MIGA1: variants seen among roughly 807,000 people sequenced by gnomAD.
MIGA1 encodes mitoguardin 1.
In MIGA1, 58 loss-of-function variants were observed where a neutral mutation model predicts 82.0. The ratio of observed to expected loss-of-function variants is 0.71; its 90% confidence interval spans 0.57 to 0.88. The LOEUF (loss-of-function observed/expected upper bound fraction) is 0.88. Ranked by LOEUF, MIGA1 falls within the 40% of genes least tolerant of loss-of-function variation. The pLI is 0.00. For missense variants in MIGA1, 751 were observed against 749.1 expected, an observed-to-expected ratio of 1.00 and a Z score of -0.03; for synonymous variants, 249 against 253.6, an observed-to-expected ratio of 0.98 and a Z score of 0.17.
At chr1:77,821,721 C>G (rs1380177931) in intron 7 of MIGA1, among the ~76,000 whole-genome samples, 1 of 152,052 alleles carries the variant, frequency 6.6e-6, no homozygotes, top group Admixed American at 6.6e-5. Context: ...GATTTGACAT[C>G]TAACGTATTA....
At chr1:77,780,846 G>T (rs1281820030) in intron 1 of MIGA1, among the ~76,000 whole-genome samples, 1 of 150,562 alleles carries the variant, frequency 6.6e-6, no homozygotes, top group Admixed American at 6.6e-5. Context: ...AATATTAAAT[G>T]AAAAAGAATG....
chr1:77,811,139 C>A, intron 5 of MIGA1: 1 of 1,550,338 alleles, frequency 6.5e-7, no homozygotes, highest in East Asian at 2.2e-5. Flanking sequence ...ACATATGTAT[C>A]TTCTTTTCTT....
chr1:77,782,963 C>G, intron 1 of MIGA1: 1 of 794,798 alleles, frequency 1.3e-6, no homozygotes, highest in Non-Finnish European at 1.5e-6. Context: ...TCGCAATTTC[C>G]TAAGGAAAAT....
intron 14 of MIGA1, among the ~76,000 whole-genome samples, chr1:77,869,272 TCA>T: frequency 7.2e-6 from 1 of 137,950 alleles, no homozygotes; most frequent in East Asian, 2.1e-4. Context: ...AGGTCACAGA[TCA>T]ACAGGATCCC....
At chr1:77,781,373 T>G (rs929742921) in intron 1 of MIGA1, among the ~76,000 whole-genome samples, 1 of 152,248 alleles carries the variant, frequency 6.6e-6, no homozygotes, top group African/African-American at 2.4e-5. Flanking sequence ...GATTGCTTAA[T>G]GATCCAGAAT....
chr1:77,830,670 A>G (rs1438090925), intron 7 of MIGA1, among the ~76,000 whole-genome samples: 3 of 152,200 alleles, frequency 2.0e-5, no homozygotes, highest in African/African-American at 7.2e-5. Context: ...TGTCAGAAAG[A>G]GGACCATAAG....
intron 2 of MIGA1, among the ~76,000 whole-genome samples, chr1:77,792,296 T>G (rs989470933): frequency 1.3e-5 from 2 of 152,186 alleles, no homozygotes; most frequent in Non-Finnish European, 2.9e-5. Flanking sequence ...GCCATTTTAT[T>G]TGCTGCTGAG....
intron 10 of MIGA1, 31 bp downstream of exon 10, chr1:77,859,417 AGCCACTCAT>A (rs1283717574): frequency 1.3e-6 from 2 of 1,486,816 alleles, no homozygotes. Flanking sequence ...GACTTCACCC[AGCCACTCAT>A]CCCCACCCTC....
intron 8 of MIGA1, among the ~76,000 whole-genome samples, chr1:77,852,744 G>T (rs1685101262): frequency 6.6e-6 from 1 of 152,196 alleles, no homozygotes; most frequent in Non-Finnish European, 1.5e-5. Context: ...AAGCTGGAGT[G>T]CAGTGGTACG....
At position 77,859,356 on chromosome 1, in the gene MIGA1, C is replaced by A; in HGVS notation, c.1158C>A (p.Ala386=). The A allele has an allele frequency of 6.2e-7, 1 of 1,613,750 alleles. No homozygotes were observed. Among genetic ancestry groups the A allele is most frequent in the Non-Finnish European group, 8.5e-7 (1 of 1,179,768 alleles). ...GCCTAGGAGACAGTGATTTTCTTGC[C>A]AAACTTCACTGTATTCGACAGGCTT... The change falls in exon 10 of 16, where the codon GCC becomes GCA. Residue 386 remains alanine, a synonymous_variant. Coordinates refer to ENST00000370791, the MANE Select transcript of MIGA1 (RefSeq NM_198549.4).
At position 77,861,118 on chromosome 1, in the gene MIGA1, C is replaced by G. The variant is rs1474349142; in HGVS notation, c.1276-106C>G. Reference sequence around the variant, plus strand: ...CATACCTTTAAAATGTATTTTAGTTCAGTTACCTAGTAGAATTAAGATCTA... The same window carrying G: ...CATACCTTTAAAATGTATTTTAGTTGAGTTACCTAGTAGAATTAAGATCTA... On this transcript the variant is annotated intron_variant, in intron 11 of 15. Transcript: ENST00000370791. 8 of 690,526 alleles carry G rather than the reference C, an allele frequency of 1.2e-5. No individual in the cohort carries two copies. The East Asian group carries it at 2.2e-4, about 19-fold the overall frequency. 42.8% of individuals were successfully genotyped at this position (690,526 alleles called of 1,614,324 possible).
intron 2 of MIGA1, among the ~76,000 whole-genome samples, chr1:77,789,741 C>T (rs568958329): frequency 4.6e-4 from 70 of 151,500 alleles, no homozygotes; most frequent in African/African-American, 1.7e-3. Context: ...TTGATAAAAC[C>T]CTCGTAATCC....
intron 1 of MIGA1, chr1:77,779,981 T>C: frequency 1.6e-6 from 2 of 1,274,224 alleles, no homozygotes; most frequent in South Asian, 4.3e-5. Flanking sequence ...AGTACTTGCA[T>C]AGGAAAGCAG....
chr1:77,815,671 G>T (rs1373012466), intron 7 of MIGA1, among the ~76,000 whole-genome samples: 2 of 152,190 alleles, frequency 1.3e-5, no homozygotes, highest in South Asian at 2.1e-4. Flanking sequence ...ATCGTTATGG[G>T]TCATTACCTT....
intron 7 of MIGA1, among the ~76,000 whole-genome samples, chr1:77,839,385 T>C (rs958000365): frequency 6.6e-6 from 1 of 152,078 alleles, no homozygotes; most frequent in East Asian, 1.9e-4. Context: ...TTTTTCTTTT[T>C]TTTTAGAGAC....
chr1:77,811,305 C>G lies in MIGA1; in HGVS notation c.638-2429C>G, dbSNP rs539472159. 5 of 1,603,674 alleles carry G rather than the reference C, an allele frequency of 3.1e-6. No homozygotes were observed. In the East Asian group the frequency reaches 1.1e-4, roughly 36 times the overall value. On this transcript the variant is annotated intron_variant, in intron 5 of 15. Transcript: ENST00000370791. ...ATGTCATTCCTGGTTCCGATGGCAA[C>G]CTTGGTAATAAAGTACCGGGAACTC...
chr1:77,793,070 C>T (rs1336526209), intron 2 of MIGA1, among the ~76,000 whole-genome samples: 2 of 152,022 alleles, frequency 1.3e-5, no homozygotes, highest in African/African-American at 4.8e-5. Context: ...GGATTACAGG[C>T]ATGAGCCACA....
At chr1:77,859,740 AAAT>A (rs1256180125) in intron 10 of MIGA1, 6 of 373,070 alleles carry the variant, frequency 1.6e-5, no homozygotes, top group Admixed American at 8.4e-5. Context: ...TCTAAAAAGA[AAAT>A]AACAAGAATA....
chr1:77,869,117 A>G (rs952907755), intron 14 of MIGA1, among the ~76,000 whole-genome samples: 2 of 150,238 alleles, frequency 1.3e-5, no homozygotes, highest in East Asian at 2.0e-4. Flanking sequence ...GTCCCTGGGT[A>G]CTTAAGATTA....
Sources: gnomAD v4.1 joint callset for allele counts (sites outside exome capture counted in the v4.1 genomes callset) on GRCh38, gnomAD v4.1.1 for gene constraint, MANE v1.5 for transcripts, NCBI Gene and HGNC (gene_info 2026-07-23, HGNC 2026-07-21) for gene names.